WDR64: variants seen among roughly 807,000 people sequenced by gnomAD.
WDR64 encodes WD repeat domain 64.
Under a neutral mutation model 139.3 loss-of-function variants are expected in WDR64, and 112 were observed. The observed-to-expected ratio is 0.80, with a 90% CI of 0.69 to 0.94. The LOEUF is 0.94. Among genes scored for constraint, WDR64 ranks in the 40% least tolerant of loss-of-function variants. The pLI is 0.00. For missense variants in WDR64, 1,206 were observed against 1,293.1 expected (o/e 0.93, Z 1.03); for synonymous variants, 444 against 437.7 (o/e 1.01, Z -0.18).
At chr1:241,669,062 C>T (rs1211096013) in intron 2 of WDR64, among the ~76,000 whole-genome samples, 1 of 152,170 alleles carries the variant, frequency 6.6e-6, no homozygotes, top group Non-Finnish European at 1.5e-5. Context: ...ATGCCGGGCA[C>T]ACTGCAAAAT....
chr1:241,694,140 G>A (rs908907042), intron 8 of WDR64, among the ~76,000 whole-genome samples: 3 of 151,904 alleles, frequency 2.0e-5, no homozygotes, highest in African/African-American at 7.3e-5. Flanking sequence ...AATAGCCTCT[G>A]CATATACAGA....
At chr1:241,716,785 C>G (rs966329119) in intron 9 of WDR64, among the ~76,000 whole-genome samples, 1 of 152,064 alleles carries the variant, frequency 6.6e-6, no homozygotes, top group Non-Finnish European at 1.5e-5. Context: ...GATTCCATTC[C>G]AAGCAACGAA....
chr1:241,769,359 A>C, intron 16 of WDR64, 45 bp from the exon 17 acceptor site: 1 of 1,467,236 alleles, frequency 6.8e-7, no homozygotes, highest in East Asian at 2.5e-5. Flanking sequence ...TGTAAGCTCC[A>C]TAATTTGTGA....
chr1:241,797,597 G>A (rs1037635654), intron 27 of WDR64, among the ~76,000 whole-genome samples: 1 of 152,086 alleles, frequency 6.6e-6, no homozygotes, highest in Admixed American at 6.6e-5. Flanking sequence ...TGAAAACTTT[G>A]CCATAATAAT....
At chr1:241,764,686 A>C (rs1658075222) in intron 15 of WDR64, among the ~76,000 whole-genome samples, 1 of 152,128 alleles carries the variant, frequency 6.6e-6, no homozygotes, top group Admixed American at 6.5e-5. Flanking sequence ...TGATAAAATA[A>C]TAAAAGATAT....
At chr1:241,784,921 T>C (rs1248288655) in intron 23 of WDR64, among the ~76,000 whole-genome samples, 8 of 118,352 alleles carry the variant, frequency 6.8e-5, no homozygotes, top group African/African-American at 9.7e-5. Flanking sequence ...GCCACTGCAC[T>C]CCAGCCTGGG....
Position 241,766,349 on chromosome 1 carries a change from A to G in WDR64, c.2079A>G (p.Lys693=). 3.1e-6 allele frequency: 5 copies of G among 1,613,868 alleles called. No individual in the cohort carries two copies. Among genetic ancestry groups the G allele is most frequent in the Non-Finnish European group, 4.2e-6 (5 of 1,179,868 alleles). The change falls in exon 16 of 28, where the codon AAA becomes AAG. Residue 693 remains lysine, a splice_region_variant and synonymous_variant. Coordinates refer to ENST00000437684, the MANE Select transcript of WDR64 (RefSeq NM_001367482.1). The part of the protein sequence containing the change: ...LWNFVTSTVK[K]VYRPEDCFTV... Reference sequence around the variant, plus strand: ...ATTTTGTGACGTCTACTGTCAAAAAAGTGTAAGTTGTGTATTATCCTTAAA... The same window carrying G: ...ATTTTGTGACGTCTACTGTCAAAAAGGTGTAAGTTGTGTATTATCCTTAAA...
Position 241,683,629 on chromosome 1 carries a change from A to G in WDR64, c.767A>G (p.Asp256Gly), listed in dbSNP as rs1446979145. 27 of 1,551,618 alleles carry G rather than the reference A, an allele frequency of 1.7e-5. No homozygotes were observed. Among genetic ancestry groups the G allele is most frequent in the Non-Finnish European group, 2.3e-5 (26 of 1,146,960 alleles). Residue 256 changes from aspartate (D) to glycine (G), a missense_variant, in exon 7 of 28, where the codon GAC (aspartate) becomes GGC (glycine). Asp to Gly is a moderately conservative substitution (Grantham distance 94). Coordinates refer to ENST00000437684, the MANE Select transcript of WDR64 (RefSeq NM_001367482.1). ...AACAGATTCACAGTCAACAGTGATG[A>G]CTTTGGAATAAAGCAGGCAAAATCC... Reference protein sequence around the residue: ...FVNRFTVNSDDFGIKQAKSKR... With the variant: ...FVNRFTVNSDGFGIKQAKSKR...
At chr1:241,669,447 C>A (rs898533499) in intron 2 of WDR64, among the ~76,000 whole-genome samples, 2 of 152,190 alleles carry the variant, frequency 1.3e-5, no homozygotes, top group African/African-American at 4.8e-5. Flanking sequence ...CTTTTCTTTT[C>A]TCAGTCCTTC....
At chr1:241,670,284 G>C (rs1666176058) in intron 2 of WDR64, among the ~76,000 whole-genome samples, 1 of 151,364 alleles carries the variant, frequency 6.6e-6, no homozygotes, top group Admixed American at 6.6e-5. Flanking sequence ...AGTAGGATTT[G>C]GAACACTTAA....
In WDR64 at chr1:241,795,193, C is replaced by T. The variant is rs1354829062; in HGVS notation, c.2998-14C>T. ...GTGCCCCTTTCATTAAACATTCATC[C>T]CTTTGTTTTGCAGATTCGAAGATAT... On this transcript the variant is annotated splice_polypyrimidine_tract_variant and intron_variant, in intron 25 of 27. Coordinates refer to ENST00000437684, the MANE Select transcript of WDR64 (RefSeq NM_001367482.1). The T allele has an allele frequency of 6.2e-7, 1 of 1,612,108 alleles. No individual in the cohort carries two copies. The highest frequency in any genetic ancestry group is 8.5e-7 in the Non-Finnish European group (1 of 1,178,778).
intron 14 of WDR64, among the ~76,000 whole-genome samples, chr1:241,751,894 T>C (rs1299379497): frequency 3.3e-5 from 5 of 152,190 alleles, no homozygotes; most frequent in Non-Finnish European, 5.9e-5. Context: ...ATTCTGCCTA[T>C]ATGAAACCTT....
At chr1:241,787,613 C>T (rs544323403) in intron 23 of WDR64, among the ~76,000 whole-genome samples, 2 of 147,166 alleles carry the variant, frequency 1.4e-5, no homozygotes, top group South Asian at 2.1e-4. Flanking sequence ...TGCAGTGAGT[C>T]GAGATCATGC....
chr1:241,738,251 C>A, intron 10 of WDR64, 112 bp from the exon 11 acceptor site: 1 of 1,296,162 alleles, frequency 7.7e-7, no homozygotes, highest in Non-Finnish European at 1.0e-6. Context: ...ATAAGTAATA[C>A]TTTGGTATAA....
chr1:241,772,879 C>T lies in WDR64; in HGVS notation c.2378C>T (p.Pro793Leu), dbSNP rs1354816686. 1.3e-6 allele frequency: 2 copies of T among 1,552,024 alleles called. No homozygotes were observed. The highest frequency in any genetic ancestry group is 1.7e-6 in the Non-Finnish European group (2 of 1,147,054). ...GCCAATTTACCAGAAGCCCAGCCACCTATCCTTGTCACTGCTCATGAGGAT... is the reference window on the plus strand; with the variant it reads ...GCCAATTTACCAGAAGCCCAGCCACTTATCCTTGTCACTGCTCATGAGGAT... The part of the protein sequence containing the change: ...GIANLPEAQP[P>L]ILVTAHEDGH... Residue 793 changes from proline to leucine, a missense_variant, in exon 20 of 28, where the codon CCT (proline) becomes CTT (leucine). By Grantham distance (98) the Pro-to-Leu change is moderately conservative. Transcript: ENST00000437684.
chr1:241,657,919 C>G (rs1390720171), intron 1 of WDR64, among the ~76,000 whole-genome samples: 2 of 152,006 alleles, frequency 1.3e-5, no homozygotes, highest in African/African-American at 4.8e-5. Flanking sequence ...TTCCCTCATG[C>G]CTTTTGCAGC....
At chr1:241,659,855 G>A (rs1379470240) in intron 1 of WDR64, among the ~76,000 whole-genome samples, 1 of 152,096 alleles carries the variant, frequency 6.6e-6, no homozygotes, top group African/African-American at 2.4e-5. Context: ...CCTTCTGTAG[G>A]TTGTCTGTTC....
chr1:241,704,366 T>C (rs1276597377), intron 8 of WDR64, among the ~76,000 whole-genome samples: 1 of 152,238 alleles, frequency 6.6e-6, no homozygotes, highest in Non-Finnish European at 1.5e-5. Context: ...ATTATCATGA[T>C]AGATTTCTCA....
intron 8 of WDR64, among the ~76,000 whole-genome samples, chr1:241,701,502 C>G (rs980159940): frequency 6.6e-6 from 1 of 152,206 alleles, no homozygotes; most frequent in Non-Finnish European, 1.5e-5. Flanking sequence ...TTCTGATTAA[C>G]CAGTGCAATC....
Sources: allele counts gnomAD v4.1 joint callset (sites outside exome capture counted in the v4.1 genomes callset), GRCh38; gene constraint gnomAD v4.1.1; transcripts MANE v1.5; gene names NCBI Gene and HGNC (gene_info 2026-07-23, HGNC 2026-07-21).